VAV1: variants seen among roughly 807,000 people sequenced by gnomAD.
The protein encoded by VAV1 is proto-oncogene vav.
Under a neutral mutation model 128.1 loss-of-function variants are expected in VAV1, and 33 were observed. The observed-to-expected ratio is 0.26, with a 90% CI of 0.20 to 0.34. The LOEUF is 0.34. Ranked by LOEUF, VAV1 falls within the 10% of genes least tolerant of loss-of-function variation. The probability of loss-of-function intolerance (pLI) is 1.00; values close to 1 mark genes in which losing one functional copy is unlikely to be tolerated. For synonymous variants in VAV1, 394 were observed against 409.8 expected, an observed-to-expected ratio of 0.96 and a Z score of 0.47; for missense variants, 715 against 1,093.7, an observed-to-expected ratio of 0.65 and a Z score of 4.88.
At position 6,828,780 on chromosome 19, in the gene VAV1, G is replaced by A; in HGVS notation, c.1180-35G>A. 6.2e-7 allele frequency: 1 copy of A among 1,609,746 alleles called. No homozygotes were observed. ...GAGTGTGTGTCTGGCTCCTTTCTTG[G>A]GAGACCCTTGCTAGACCCCCTGCCT... On this transcript the variant is annotated intron_variant, in intron 12 of 26. Transcript: ENST00000602142. The surrounding 1 kb of genome is among the most constrained non-coding windows in gnomAD (Gnocchi z 4.5).
intron 19 of VAV1, 72 bp from the exon 20 acceptor site, chr19:6,836,360 C>T: frequency 6.5e-7 from 1 of 1,546,242 alleles, no homozygotes; most frequent in Non-Finnish European, 8.8e-7. Flanking sequence ...TTTAGCCATT[C>T]TCGTGGGTGG....
At chr19:6,813,413 T>A (rs771333820) in intron 1 of VAV1, among the ~76,000 whole-genome samples, 7 of 152,210 alleles carry the variant, frequency 4.6e-5, no homozygotes, top group Non-Finnish European at 8.8e-5. Context: ...CCCTGTTCTT[T>A]TAGTGACACA....
intron 21 of VAV1, among the ~76,000 whole-genome samples, chr19:6,838,201 A>G (rs1469302060): frequency 3.0e-5 from 2 of 67,078 alleles, no homozygotes. Context: ...CCTATCACCT[A>G]TCTACCCATC....
rs1050448659 is a variant in VAV1, at chr19:6,782,057, C to T, written c.204+9046C>T. Among the ~76,000 whole-genome samples the T allele has an allele frequency of 5.3e-4, 81 of 152,180 alleles. 1 individual carries two copies. The highest frequency in any genetic ancestry group is 1.6e-3 in the Admixed American group (25 of 15,236). ...CTATAAAATGAGAATGTTGGCCGTG[C>T]ACATGGCTCACTCTTGTAATCCCAG... is the stretch of plus-strand genomic sequence containing the variant. On this transcript the variant is annotated intron_variant, in intron 1 of 26. Coordinates refer to ENST00000602142, the MANE Select transcript of VAV1 (RefSeq NM_005428.4).
At chr19:6,804,847 C>T (rs1464186288) in intron 1 of VAV1, among the ~76,000 whole-genome samples, 1 of 151,862 alleles carries the variant, frequency 6.6e-6, no homozygotes, top group Non-Finnish European at 1.5e-5. Flanking sequence ...CTTCAGCCTC[C>T]CAAGTAGCTG....
At chr19:6,834,488 C>T (rs1228689001) in intron 19 of VAV1, among the ~76,000 whole-genome samples, 5 of 151,350 alleles carry the variant, frequency 3.3e-5, no homozygotes, top group Admixed American at 2.6e-4. Context: ...AGGTGATCTG[C>T]CTGCTCAGCC....
intron 1 of VAV1, among the ~76,000 whole-genome samples, chr19:6,817,552 C>T (rs886551496): frequency 1.3e-5 from 2 of 152,038 alleles, no homozygotes; most frequent in Admixed American, 6.6e-5. Context: ...AGAAACAGAA[C>T]GATGGCCCTC....
Position 6,830,539 on chromosome 19 carries a change from A to G in VAV1, c.1398+621A>G, listed in dbSNP as rs549408247. 1.1e-4 allele frequency among the ~76,000 whole-genome samples: 16 copies of G among 151,738 alleles called. No homozygotes were observed. The South Asian group carries it at 2.1e-3, about 20-fold the overall frequency. ...ACTGCAACCTCTGGCTCCCAGGTTC[A>G]AGCAATTCTCCTGCCTCAGCCTCCC... On this transcript the variant is annotated intron_variant, in intron 14 of 26. Transcript: ENST00000602142.
chr19:6,828,912 C>T lies in VAV1; in HGVS notation c.1265+12C>T. ...TCCAAGATGGACAGGTGGGTGGAGTCAACATGGATCTGGGATGGAGCCTGG... is the reference window on the plus strand; with the variant it reads ...TCCAAGATGGACAGGTGGGTGGAGTTAACATGGATCTGGGATGGAGCCTGG... On this transcript the variant is annotated intron_variant, in intron 13 of 26. Coordinates refer to ENST00000602142, the MANE Select transcript of VAV1 (RefSeq NM_005428.4). The surrounding 1 kb of genome is among the most constrained non-coding windows in gnomAD (Gnocchi z 4.5). 1 of 1,613,774 alleles carries T rather than the reference C, an allele frequency of 6.2e-7. No homozygotes were observed. Among genetic ancestry groups the T allele is most frequent in the Non-Finnish European group, 8.5e-7 (1 of 1,179,942 alleles).
Position 6,826,640 on chromosome 19 carries a change from C to G in VAV1, c.856C>G (p.Gln286Glu). ...CCTCGTCTATGGCCGCTACTGCAGCCAGGTGGAGTCAGCCAGCAAACACCT... is the reference window on the plus strand; with the variant it reads ...CCTCGTCTATGGCCGCTACTGCAGCGAGGTGGAGTCAGCCAGCAAACACCT... ...RFLVYGRYCS[Q>E]VESASKHLDR... The change falls in exon 9 of 27, where the codon CAG (glutamine) becomes GAG (glutamate). Residue 286 changes from glutamine (Q) to glutamate (E), a missense_variant. By Grantham distance (29) the Gln-to-Glu change is conservative (BLOSUM62 2). This residue lies in a region of VAV1 where 302 missense variants were observed against 477.8 expected (regional missense o/e 0.63). Coordinates refer to ENST00000602142, the MANE Select transcript of VAV1 (RefSeq NM_005428.4). This position sits in a 1 kb window ranked among gnomAD's most constrained non-coding sequence, Gnocchi z 4.1. 2 of 1,558,772 alleles carry G rather than the reference C, an allele frequency of 1.3e-6. No individual in the cohort carries two copies. Among genetic ancestry groups the G allele is most frequent in the Non-Finnish European group, 1.7e-6 (2 of 1,151,792 alleles).
At chr19:6,815,805 C>G (rs1971632470) in intron 1 of VAV1, among the ~76,000 whole-genome samples, 2 of 152,120 alleles carry the variant, frequency 1.3e-5, no homozygotes, top group South Asian at 4.1e-4. Flanking sequence ...CATGTTATCT[C>G]TGCAGCATGC....
intron 21 of VAV1, among the ~76,000 whole-genome samples, chr19:6,839,056 C>T (rs936418741): frequency 7.9e-5 from 12 of 152,040 alleles, no homozygotes; most frequent in Non-Finnish European, 1.8e-4. Context: ...GCGCCTGCCA[C>T]CACATCTGGC....
chr19:6,772,975 C>A lies in VAV1; in HGVS notation c.168C>A (p.Asn56Lys). 6.2e-7 allele frequency: 1 copy of A among 1,614,142 alleles called. No homozygotes were observed. The highest frequency in any genetic ancestry group is 1.1e-5 in the South Asian group (1 of 91,090). Residue 56 changes from asparagine (N) to lysine (K), a missense_variant, in exon 1 of 27, where the codon AAC becomes AAA. Physicochemically the swap from Asn to Lys is moderately conservative, Grantham distance 94. Coordinates refer to ENST00000602142, the MANE Select transcript of VAV1 (RefSeq NM_005428.4). The surrounding 1 kb of genome is among the most constrained non-coding windows in gnomAD (Gnocchi z 4.8). Reference sequence around the variant, plus strand: ...ACAACCTGCTACCCCATGCCATCAACCTGCGTGAGGTCAACCTGCGCCCCC... The same window carrying A: ...ACAACCTGCTACCCCATGCCATCAAACTGCGTGAGGTCAACCTGCGCCCCC... ...LLNNLLPHAINLREVNLRPQM... is the reference protein window; with the variant it reads ...LLNNLLPHAIKLREVNLRPQM...
chr19:6,832,653 T>TTCC (rs151222361), intron 15 of VAV1, among the ~76,000 whole-genome samples: 28,658 of 119,442 alleles, frequency 0.24, 4,154 homozygotes, highest in African/African-American at 0.43. Context: ...CCTCCCCTTC[T>TTCC]TCCTCCTCCT....
intron 15 of VAV1, among the ~76,000 whole-genome samples, 172 bp downstream of exon 15, chr19:6,832,372 T>C (rs1170548978): frequency 6.6e-6 from 1 of 152,162 alleles, no homozygotes; most frequent in Non-Finnish European, 1.5e-5. Context: ...ATCCTTGGAA[T>C]GCAGGGGTTG....
chr19:6,832,290 A>G lies in VAV1; in HGVS notation c.1508+90A>G, dbSNP rs1307063007. 2.8e-5 allele frequency: 35 copies of G among 1,246,866 alleles called. No individual in the cohort carries two copies. In the Admixed American group the frequency reaches 6.6e-4, roughly 24 times the overall value. 77.2% of individuals were successfully genotyped at this position (1,246,866 alleles called of 1,614,324 possible). A position where few individuals can be genotyped will look rare whatever the true frequency, so the allele number is the denominator to read the frequency against. On this transcript the variant is annotated intron_variant, in intron 15 of 26. Transcript: ENST00000602142. ...GATCTAGTCCCTACTCTGTCCTGAC[A>G]TGCCATGGGACCACTCTGAACCACA...
chr19:6,825,374 T>C lies in VAV1; in HGVS notation c.795T>C (p.Asn265=). ...CCCTGGGCACCCCTGGCGCAGCCAA[T>C]CTCTACCAGGTCTTCATCAAATACA... The part of the protein sequence containing the change: ...KEALGTPGAA[N]LYQVFIKYKE... Residue 265 remains asparagine, a synonymous_variant, in exon 8 of 27, where the codon AAT becomes AAC. Transcript: ENST00000602142. The C allele has an allele frequency of 6.2e-7, 1 of 1,613,882 alleles. No homozygotes were observed. Among genetic ancestry groups the C allele is most frequent in the South Asian group, 1.1e-5 (1 of 91,064 alleles).
At chr19:6,808,851 A>T (rs566466035) in intron 1 of VAV1, among the ~76,000 whole-genome samples, 1 of 152,282 alleles carries the variant, frequency 6.6e-6, no homozygotes, top group East Asian at 1.9e-4. Context: ...GGAGGGCCTC[A>T]TTCACATATC....
chr19:6,820,968 G>A lies in VAV1; in HGVS notation c.321+150G>A. The A allele has an allele frequency of 1.3e-6, 1 of 750,072 alleles. No individual in the cohort carries two copies. The highest frequency in any genetic ancestry group is 2.3e-6 in the Non-Finnish European group (1 of 439,494). The allele number at this position is 750,072 out of a possible 1,614,324, so 46.5% of individuals were successfully genotyped here. A position where few individuals can be genotyped will look rare whatever the true frequency, so the allele number is the denominator to read the frequency against. On this transcript the variant is annotated intron_variant, in intron 2 of 26. Coordinates refer to ENST00000602142, the MANE Select transcript of VAV1 (RefSeq NM_005428.4). This position sits in a 1 kb window ranked among gnomAD's most constrained non-coding sequence, Gnocchi z 4.4. ...AAATAGCACTGGCTTGGGATATGTG[G>A]AACTGGGTTTGAGTTCCTGCTCTGA...
Sources: gnomAD v4.1 joint callset for allele counts (sites outside exome capture counted in the v4.1 genomes callset) on GRCh38, gnomAD v4.1.1 for gene constraint, gnomAD v4.1.1 regional missense constraint, Gnocchi (gnomAD v3.1) non-coding constraint, MANE v1.5 for transcripts, NCBI Gene and HGNC (gene_info 2026-07-23, HGNC 2026-07-21) for gene names.